The following IL1RAPL2 variants were observed in gnomAD, a reference collection of about 807,000 sequenced individuals.
IL1RAPL2 encodes the protein interleukin 1 receptor accessory protein like 2.
In IL1RAPL2, 3 loss-of-function variants were observed where a neutral mutation model predicts 44.1. That is an observed-to-expected ratio of 0.07 (90% CI 0.03 to 0.18). The LOEUF is 0.18. Among genes scored for constraint, IL1RAPL2 ranks in the 10% least tolerant of loss-of-function variants. The pLI, the probability that IL1RAPL2 is intolerant of heterozygous loss-of-function variation, is 1.00. For synonymous variants in IL1RAPL2, 181 were observed against 178.8 expected (o/e 1.01, Z -0.10); for missense variants, 391 against 496.4 (o/e 0.79, Z 2.02).
rs1195235217 is a variant in IL1RAPL2 at position 104,585,379 on chromosome X, A to ATATATAT, written c.-20+18336_-20+18342dup. 2.6e-3 allele frequency among the ~76,000 whole-genome samples: 60 copies of ATATATAT among 23,101 alleles called. 1 individual carries two copies. Among genetic ancestry groups the ATATATAT allele is most frequent in the Admixed American group, 0.011 (14 of 1,266 alleles). The allele number at this position is 23,101 out of a possible 115,157, so 20.1% of individuals were successfully genotyped here. A position where few individuals can be genotyped will look rare whatever the true frequency, so the allele number is the denominator to read the frequency against. ...ATATATATTATATATATTATATATAATATATATTATATATAATATATAATA... is the reference window on the plus strand; with the variant it reads ...ATATATATTATATATATTATATATAATATATATTATATATTATATATAATATATAATA... On this transcript the variant is annotated intron_variant, in intron 1 of 10. Transcript: ENST00000372582.
Position 105,127,210 on chromosome X carries a change from G to C in IL1RAPL2, c.83-68265G>C, listed in dbSNP as rs894620220. ...AGGTAATCTTTGAAGTTATAAAGCA[G>C]CAAGAGACCAATAACTTTTTCTCTA... On this transcript the variant is annotated intron_variant, in intron 2 of 10. Coordinates refer to ENST00000372582, the MANE Select transcript of IL1RAPL2 (RefSeq NM_017416.2). Among the ~76,000 whole-genome samples the C allele has an allele frequency of 2.7e-5, 3 of 110,990 alleles. No individual in the cohort carries two copies. The Admixed American group carries it at 2.9e-4, about 11-fold the overall frequency.
chrX:104,745,662 G>A (rs937328739), intron 2 of IL1RAPL2, among the ~76,000 whole-genome samples: 1 of 111,299 alleles, frequency 9.0e-6, no homozygotes, highest in African/African-American at 3.3e-5. Context: ...CAATGAGAGC[G>A]TTAGTACATT....
intron 5 of IL1RAPL2, among the ~76,000 whole-genome samples, chrX:105,328,817 A>G (rs1334653390): frequency 2.7e-5 from 3 of 112,330 alleles, no homozygotes; most frequent in Non-Finnish European, 5.6e-5. Flanking sequence ...AGTATTCAAC[A>G]TAGTAACATG....
chrX:105,034,459 G>A (rs748338211), intron 2 of IL1RAPL2, among the ~76,000 whole-genome samples: 3 of 112,475 alleles, frequency 2.7e-5, no homozygotes, highest in Non-Finnish European at 5.6e-5. Flanking sequence ...ACCCTCAGCT[G>A]CAGGTCTGTT....
intron 2 of IL1RAPL2, among the ~76,000 whole-genome samples, chrX:104,888,202 C>A (rs1923308444): frequency 1.9e-5 from 2 of 102,629 alleles, no homozygotes; most frequent in Non-Finnish European, 4.0e-5. Context: ...AAGGAAAGAC[C>A]AGAAGAAAGA....
At chrX:105,597,924 A>G (rs917851371) in intron 6 of IL1RAPL2, among the ~76,000 whole-genome samples, 1 of 111,592 alleles carries the variant, frequency 9.0e-6, no homozygotes, top group Admixed American at 9.5e-5. Context: ...TAAAAATAGA[A>G]CTACCATATG....
At chrX:105,763,494 A>G (rs1166689313) in intron 10 of IL1RAPL2, among the ~76,000 whole-genome samples, 1 of 111,871 alleles carries the variant, frequency 8.9e-6, no homozygotes, top group Non-Finnish European at 1.9e-5. Flanking sequence ...AGACAACAAA[A>G]GAAAACTTAA....
chrX:105,105,987 C>T (rs1249690630), intron 2 of IL1RAPL2, among the ~76,000 whole-genome samples: 3 of 111,332 alleles, frequency 2.7e-5, no homozygotes, highest in Admixed American at 1.9e-4. Context: ...AACAAAAGCA[C>T]ACTGTATAAA....
chrX:104,600,539 T>A (rs1389644322), intron 1 of IL1RAPL2, among the ~76,000 whole-genome samples: 2 of 110,617 alleles, frequency 1.8e-5, no homozygotes, highest in Non-Finnish European at 3.8e-5. Flanking sequence ...TTTTTTTTTT[T>A]AGATTAAGGG....
intron 5 of IL1RAPL2, among the ~76,000 whole-genome samples, chrX:105,326,662 T>C (rs1282195417): frequency 8.9e-6 from 1 of 111,745 alleles, no homozygotes; most frequent in Non-Finnish European, 1.9e-5. Context: ...TTTTATCCCA[T>C]TGAAATGCCT....
intron 2 of IL1RAPL2, among the ~76,000 whole-genome samples, chrX:104,779,794 G>T (rs1219676027): frequency 9.0e-6 from 1 of 111,231 alleles, no homozygotes; most frequent in African/African-American, 3.3e-5. Flanking sequence ...TTGGCTTAAT[G>T]AGTGGTGAGT....
intron 2 of IL1RAPL2, among the ~76,000 whole-genome samples, chrX:104,794,453 G>T (rs1168625485): frequency 9.0e-6 from 1 of 110,562 alleles, no homozygotes; most frequent in Admixed American, 9.6e-5. Context: ...TAGATAAGCA[G>T]TGCCCCTACA....
At chrX:104,665,724 A>G (rs1930476752) in intron 2 of IL1RAPL2, among the ~76,000 whole-genome samples, 1 of 111,466 alleles carries the variant, frequency 9.0e-6, no homozygotes, top group Admixed American at 9.6e-5. Flanking sequence ...CTATATAACT[A>G]AATCATATTT....
intron 5 of IL1RAPL2, among the ~76,000 whole-genome samples, chrX:105,453,185 A>G (rs886131742): frequency 8.9e-6 from 1 of 111,921 alleles, no homozygotes; most frequent in Non-Finnish European, 1.9e-5. Flanking sequence ...ACGTCCATCA[A>G]TCAAAGGTCT....
chrX:104,847,818 T>C (rs992481367), intron 2 of IL1RAPL2, among the ~76,000 whole-genome samples: 1 of 111,918 alleles, frequency 8.9e-6, no homozygotes. Context: ...ATTCTTCCTA[T>C]CCATGAGCAT....
At chrX:104,712,907 T>A (rs1041600524) in intron 2 of IL1RAPL2, among the ~76,000 whole-genome samples, 1 of 110,504 alleles carries the variant, frequency 9.0e-6, no homozygotes, top group Non-Finnish European at 1.9e-5. Context: ...TTGGTGAGAG[T>A]TATTTCAAGG....
chrX:105,013,619 A>G (rs1168500862), intron 2 of IL1RAPL2, among the ~76,000 whole-genome samples: 3 of 110,490 alleles, frequency 2.7e-5, no homozygotes, highest in Non-Finnish European at 5.7e-5. Context: ...TCTGGAGAGC[A>G]GTGCTCCAGC....
At chrX:105,100,900 A>C (rs2032663534) in intron 2 of IL1RAPL2, among the ~76,000 whole-genome samples, 2 of 112,185 alleles carry the variant, frequency 1.8e-5, no homozygotes, top group Non-Finnish European at 3.8e-5. Context: ...AAGGATTAAC[A>C]CTCCTAGAAG....
intron 2 of IL1RAPL2, among the ~76,000 whole-genome samples, chrX:105,138,535 G>C (rs2033098417): frequency 9.2e-6 from 1 of 108,356 alleles, no homozygotes; most frequent in African/African-American, 3.4e-5. Flanking sequence ...TAAAGGCAAG[G>C]TGTTATAAGA....
Sources: gnomAD v4.1 joint callset for allele counts (sites outside exome capture counted in the v4.1 genomes callset) on GRCh38, gnomAD v4.1.1 for gene constraint, MANE v1.5 for transcripts, NCBI Gene and HGNC (gene_info 2026-07-23, HGNC 2026-07-21) for gene names.